The following AGBL4 variants were observed in gnomAD, a reference collection of about 807,000 sequenced individuals.
AGBL4 encodes the protein cytosolic carboxypeptidase 6.
Under a neutral mutation model 66.4 loss-of-function variants are expected in AGBL4, and 58 were observed. That is an observed-to-expected ratio of 0.87 (90% confidence interval 0.71 to 1.09). The LOEUF (loss-of-function observed/expected upper bound fraction) is 1.09, where lower values mean the gene tolerates loss of function less well. AGBL4 is among the 50% of genes least tolerant of loss of function. AGBL4 has a pLI of 0.00. For missense variants in AGBL4, 579 were observed against 631.0 expected (o/e 0.92, Z 0.88); for synonymous variants, 234 against 222.9 (o/e 1.05, Z -0.44).
chr1:49,460,067 G>T (rs1423806758), intron 3 of AGBL4, among the ~76,000 whole-genome samples: 1 of 151,632 alleles, frequency 6.6e-6, no homozygotes, highest in Non-Finnish European at 1.5e-5. Flanking sequence ...TTCATGTGCT[G>T]ATTAATAGAA....
chr1:49,964,558 G>A (rs1266839531), intron 1 of AGBL4, among the ~76,000 whole-genome samples: 1 of 151,972 alleles, frequency 6.6e-6, no homozygotes, highest in African/African-American at 2.4e-5. Flanking sequence ...CAGAATATAA[G>A]AGTCCAACCA....
intron 9 of AGBL4, among the ~76,000 whole-genome samples, chr1:48,598,231 A>C (rs1308545280): frequency 6.6e-6 from 1 of 152,198 alleles, no homozygotes; most frequent in African/African-American, 2.4e-5. Flanking sequence ...TCATGTAGAT[A>C]ATGGATTTTA....
chr1:48,595,407 C>T (rs1644980174), intron 9 of AGBL4, among the ~76,000 whole-genome samples: 1 of 151,750 alleles, frequency 6.6e-6, no homozygotes, highest in South Asian at 2.1e-4. Context: ...TAAACAAATG[C>T]ATCTTAAGTT....
intron 2 of AGBL4, among the ~76,000 whole-genome samples, chr1:49,763,974 A>G (rs140155928): frequency 5.3e-4 from 80 of 152,240 alleles, no homozygotes; most frequent in Admixed American, 9.1e-4. Flanking sequence ...TTGGGCTCCC[A>G]GTGCAGCAGC....
intron 3 of AGBL4, among the ~76,000 whole-genome samples, chr1:49,373,886 G>A (rs1030962923): frequency 3.9e-5 from 6 of 151,996 alleles, no homozygotes; most frequent in South Asian, 2.1e-4. Context: ...CAAGTGGCCC[G>A]GTATATGGTA....
intron 3 of AGBL4, among the ~76,000 whole-genome samples, chr1:49,601,722 A>C (rs891439414): frequency 6.6e-6 from 1 of 152,230 alleles, no homozygotes. Flanking sequence ...TTAGAGACTT[A>C]AACCTAAGAC....
intron 3 of AGBL4, among the ~76,000 whole-genome samples, chr1:49,693,613 G>A (rs1158385055): frequency 6.6e-6 from 1 of 151,920 alleles, no homozygotes; most frequent in Non-Finnish European, 1.5e-5. Flanking sequence ...GTGTGTGTGG[G>A]GGGGTGCTTT....
intron 2 of AGBL4, among the ~76,000 whole-genome samples, chr1:49,790,200 C>A (rs1644560297): frequency 6.6e-6 from 1 of 151,926 alleles, no homozygotes; most frequent in African/African-American, 2.4e-5. Context: ...TCACCCCCTA[C>A]TAAAAATACA....
rs66639251 is a variant in AGBL4, at chr1:49,268,409, AACACACACACACACACACAC to A, written c.283-22565_283-22546del. On this transcript the variant is annotated intron_variant, in intron 3 of 13. Coordinates refer to ENST00000371839, the MANE Select transcript of AGBL4 (RefSeq NM_032785.4). ...AAATTCCTTTCCTTTTTTTTTTTTA[AACACACACACACACACACAC>A]ACACACACACACACACACACAAATA... is the stretch of plus-strand genomic sequence containing the variant. 1.1e-3 allele frequency: 148 copies of A among 133,008 alleles called. 1 individual carries two copies. The highest frequency in any genetic ancestry group is 4.1e-3 in the African/African-American group (142 of 34,430). 8.2% of individuals were successfully genotyped at this position (133,008 alleles called of 1,614,324 possible).
At chr1:48,927,371 G>A (rs779883155) in intron 5 of AGBL4, among the ~76,000 whole-genome samples, 5 of 152,136 alleles carry the variant, frequency 3.3e-5, no homozygotes, top group Non-Finnish European at 7.4e-5. Flanking sequence ...CAGATCTCAT[G>A]AGACTTATTC....
intron 2 of AGBL4, among the ~76,000 whole-genome samples, chr1:49,711,338 A>C (rs1298091725): frequency 6.6e-6 from 1 of 152,196 alleles, no homozygotes; most frequent in Admixed American, 6.5e-5. Flanking sequence ...ACTGGAAACA[A>C]CCTAAATGCC....
At chr1:48,838,433 G>A (rs1233044563) in intron 6 of AGBL4, among the ~76,000 whole-genome samples, 1 of 152,048 alleles carries the variant, frequency 6.6e-6, no homozygotes, top group African/African-American at 2.4e-5. Context: ...AACAAACATT[G>A]GAGAAAGGAA....
At chr1:48,801,801 C>A (rs746601209) in intron 6 of AGBL4, among the ~76,000 whole-genome samples, 5 of 152,186 alleles carry the variant, frequency 3.3e-5, no homozygotes, top group Admixed American at 6.5e-5. Flanking sequence ...GTTCTTGGAG[C>A]AAAAGTTCAC....
rs568226929 is a variant in AGBL4 at position 50,023,871 on chromosome 1, C to A, written c.-75G>T. The A allele has an allele frequency of 5.4e-6, 8 of 1,478,946 alleles. No individual in the cohort carries two copies. The highest frequency in any genetic ancestry group is 1.3e-5 in the South Asian group (1 of 77,704). 91.6% of individuals were successfully genotyped at this position (1,478,946 alleles called of 1,614,324 possible). ...GGGAGCGGGTGGTGGGATCAGTGGG[C>A]TGACAGGAGCTACCTCAGGAAGACG... On this transcript the variant is annotated 5_prime_UTR_variant, in exon 1 of 14. Transcript: ENST00000371839.
intron 3 of AGBL4, among the ~76,000 whole-genome samples, chr1:49,479,388 A>C (rs563237913): frequency 1.3e-5 from 2 of 151,984 alleles, no homozygotes; most frequent in East Asian, 3.9e-4. Context: ...GGTCATAAAA[A>C]TTATTTCATC....
chr1:49,773,131 T>C (rs1381494957), intron 2 of AGBL4, among the ~76,000 whole-genome samples: 1 of 152,204 alleles, frequency 6.6e-6, no homozygotes, highest in African/African-American at 2.4e-5. Flanking sequence ...ACGGTCTCCA[T>C]TGTATTTTTT....
chr1:49,389,811 A>G (rs960735124), intron 3 of AGBL4, among the ~76,000 whole-genome samples: 2 of 152,216 alleles, frequency 1.3e-5, no homozygotes, highest in Admixed American at 6.5e-5. Context: ...CTACTAAAAT[A>G]GAAGCCATGG....
At chr1:49,851,339 G>GA (rs1159400830) in intron 2 of AGBL4, 57 bp downstream of exon 2, 47 of 1,474,494 alleles carry the variant, frequency 3.2e-5, no homozygotes, top group Non-Finnish European at 4.2e-5. Context: ...ATTCAATTCT[G>GA]AAAAAAGAAA....
chr1:49,112,899 C>T (rs1188748675), intron 4 of AGBL4, among the ~76,000 whole-genome samples: 1 of 152,104 alleles, frequency 6.6e-6, no homozygotes, highest in African/African-American at 2.4e-5. Flanking sequence ...ATTCTGAACT[C>T]CTGTGAATGC....
Sources: allele counts gnomAD v4.1 joint callset (sites outside exome capture counted in the v4.1 genomes callset), GRCh38; gene constraint gnomAD v4.1.1; transcripts MANE v1.5; gene names NCBI Gene and HGNC (gene_info 2026-07-23, HGNC 2026-07-21).